Variants in GOLPH3L observed in about 807,000 individuals in gnomAD.
GOLPH3L encodes the protein Golgi phosphoprotein 3-like.
In GOLPH3L, 22 loss-of-function variants were observed where a neutral mutation model predicts 30.3. That is an observed-to-expected ratio of 0.73 (90% CI 0.52 to 1.04). GOLPH3L has a LOEUF of 1.04. Among genes scored for constraint, GOLPH3L ranks in the 50% least tolerant of loss-of-function variants. The pLI is 0.00. For synonymous variants in GOLPH3L, 120 were observed against 128.2 expected (o/e 0.94, Z 0.43); for missense variants, 303 against 345.8 (o/e 0.88, Z 0.98).
chr1:150,676,399 G>A (rs926378503), intron 2 of GOLPH3L, among the ~76,000 whole-genome samples: 7 of 151,158 alleles, frequency 4.6e-5, no homozygotes, highest in African/African-American at 1.2e-4. Flanking sequence ...GATTATTTCT[G>A]TACAAATTCC....
chr1:150,653,142 C>T (rs867706334), intron 4 of GOLPH3L, among the ~76,000 whole-genome samples: 16 of 87,802 alleles, frequency 1.8e-4, no homozygotes, highest in Non-Finnish European at 3.5e-4. Flanking sequence ...AAACAAAAAA[C>T]AACAACAACA....
chr1:150,692,260 C>G (rs587732171), intron 2 of GOLPH3L, among the ~76,000 whole-genome samples: 1 of 152,230 alleles, frequency 6.6e-6, no homozygotes, highest in South Asian at 2.1e-4. Flanking sequence ...AAAGTTTGAC[C>G]TCTTCTATTC....
At chr1:150,671,845 A>G (rs1031598515) in intron 2 of GOLPH3L, among the ~76,000 whole-genome samples, 2 of 151,660 alleles carry the variant, frequency 1.3e-5, no homozygotes, top group Admixed American at 1.3e-4. Flanking sequence ...AGAAAACAAA[A>G]CAACTTAAAG....
chr1:150,653,738 G>A (rs1650178779), intron 4 of GOLPH3L, among the ~76,000 whole-genome samples: 1 of 151,352 alleles, frequency 6.6e-6, no homozygotes, highest in Non-Finnish European at 1.5e-5. Context: ...TTACAGGTGT[G>A]AGCCACCACA....
At chr1:150,659,351 T>A (rs928564645) in intron 4 of GOLPH3L, among the ~76,000 whole-genome samples, 2 of 152,324 alleles carry the variant, frequency 1.3e-5, no homozygotes, top group Admixed American at 1.3e-4. Context: ...GTTGTGGGTT[T>A]ACTGGAATGA....
At chr1:150,685,764 A>G (rs951568246) in intron 2 of GOLPH3L, among the ~76,000 whole-genome samples, 4 of 152,108 alleles carry the variant, frequency 2.6e-5, no homozygotes, top group African/African-American at 9.7e-5. Flanking sequence ...GAATCTATTC[A>G]AGGAGGTGAA....
chr1:150,685,874 C>CT (rs35375244), intron 2 of GOLPH3L, among the ~76,000 whole-genome samples: 2,537 of 121,004 alleles, frequency 0.021, 107 homozygotes, highest in Middle Eastern at 0.048. Flanking sequence ...GTAAGTATGT[C>CT]TTTTTTTTTT....
intron 2 of GOLPH3L, among the ~76,000 whole-genome samples, chr1:150,665,432 T>C (rs1262299421): frequency 1.3e-5 from 2 of 152,030 alleles, no homozygotes; most frequent in Admixed American, 6.6e-5. Flanking sequence ...GCTCAAACAA[T>C]TGTCCTGCCT....
At chr1:150,659,959 G>A (rs947261638) in intron 4 of GOLPH3L, among the ~76,000 whole-genome samples, 5 of 151,960 alleles carry the variant, frequency 3.3e-5, no homozygotes, top group African/African-American at 4.8e-5. Context: ...CCTTGAGCCC[G>A]GGAGATAGAG....
At position 150,663,201 on chromosome 1, in the gene GOLPH3L, A is replaced by AT. The variant is rs931429519; in HGVS notation, c.315+430dup. Among the ~76,000 whole-genome samples the AT allele has an allele frequency of 1.7e-4, 26 of 149,962 alleles. 1 individual carries two copies. The highest frequency in any genetic ancestry group is 1.5e-3 in the South Asian group (7 of 4,734). On this transcript the variant is annotated intron_variant, in intron 3 of 4. Coordinates refer to ENST00000271732, the MANE Select transcript of GOLPH3L (RefSeq NM_018178.6). ...AGGCGCCCGCCACAATGCCCCGCTA[A>AT]TTTTTTTTTTAAATATTTCTCGTAG...
rs1278512386 is a variant in GOLPH3L, at chr1:150,647,158, T to C, written c.*1163A>G. ...CAGATATACTGATATATTCAGCAAC[T>C]GAAACTTACAATTCCTTCAATTCAG... On this transcript the variant is annotated 3_prime_UTR_variant, in exon 5 of 5. Transcript: ENST00000271732. The C allele has an allele frequency of 6.6e-6, 1 of 152,184 alleles. No homozygotes were observed. The highest frequency in any genetic ancestry group is 1.5e-5 in the Non-Finnish European group (1 of 68,036). The allele number at this position is 152,184 out of a possible 1,614,324, so 9.4% of individuals were successfully genotyped here.
intron 2 of GOLPH3L, among the ~76,000 whole-genome samples, chr1:150,683,721 AAAAAAAAAAAAAG>A (rs1651017749): frequency 1.4e-5 from 2 of 145,916 alleles, no homozygotes; most frequent in African/African-American, 5.0e-5. Context: ...AAAAAAAAAA[AAAAAAAAAAAAAG>A]AGAGATACTC....
At position 150,647,314 on chromosome 1, in the gene GOLPH3L, A is replaced by G. The variant is rs1422100033; in HGVS notation, c.*1007T>C. ...GAATTCAAGACCAGCCTGGGCAACA[A>G]AGCGAGACTCTTGTCTAAAACAAAC... is the stretch of plus-strand genomic sequence containing the variant. On this transcript the variant is annotated 3_prime_UTR_variant, in exon 5 of 5. Transcript: ENST00000271732. The G allele has an allele frequency of 6.6e-6, 1 of 152,104 alleles. No homozygotes were observed. The highest frequency in any genetic ancestry group is 1.9e-4 in the East Asian group (1 of 5,182). The allele number at this position is 152,104 out of a possible 1,614,324, so 9.4% of individuals were successfully genotyped here. A position where few individuals can be genotyped will look rare whatever the true frequency, so the allele number is the denominator to read the frequency against.
chr1:150,695,251 C>T (rs1042507089), intron 1 of GOLPH3L, among the ~76,000 whole-genome samples: 7 of 152,164 alleles, frequency 4.6e-5, no homozygotes, highest in East Asian at 1.9e-4. Context: ...ATTCTTGTGC[C>T]TCAGCCTCCT....
chr1:150,677,486 C>T (rs587673038), intron 2 of GOLPH3L, among the ~76,000 whole-genome samples: 1 of 150,888 alleles, frequency 6.6e-6, no homozygotes, highest in East Asian at 2.0e-4. Flanking sequence ...GATCCACCTG[C>T]CTCAGCCTCC....
chr1:150,682,396 G>A (rs1650975410), intron 2 of GOLPH3L, among the ~76,000 whole-genome samples: 1 of 151,974 alleles, frequency 6.6e-6, no homozygotes, highest in African/African-American at 2.4e-5. Flanking sequence ...GGGAGGCTGA[G>A]GCAGGTAGAT....
At chr1:150,666,630 C>T (rs991212189) in intron 2 of GOLPH3L, among the ~76,000 whole-genome samples, 3 of 152,062 alleles carry the variant, frequency 2.0e-5, no homozygotes, top group Non-Finnish European at 4.4e-5. Flanking sequence ...GAGCCACCAG[C>T]CTGGCCTTTG....
chr1:150,693,844 T>TAC (rs1651274781), intron 2 of GOLPH3L, among the ~76,000 whole-genome samples: 1 of 89,386 alleles, frequency 1.1e-5, no homozygotes, highest in East Asian at 3.1e-4. Context: ...TATATATATA[T>TAC]ATATTTTTTT....
At chr1:150,650,602 T>A (rs780519978) in intron 4 of GOLPH3L, among the ~76,000 whole-genome samples, 1 of 152,132 alleles carries the variant, frequency 6.6e-6, no homozygotes, top group African/African-American at 2.4e-5. Flanking sequence ...TGAACCCTAT[T>A]GTGAACTGCA....
Sources: allele counts gnomAD v4.1 joint callset (sites outside exome capture counted in the v4.1 genomes callset), GRCh38; gene constraint gnomAD v4.1.1; transcripts MANE v1.5; gene names NCBI Gene and HGNC (gene_info 2026-07-23, HGNC 2026-07-21).